Variants in TUBD1 observed in about 807,000 individuals in gnomAD.
The protein encoded by TUBD1 is tubulin delta 1.
A neutral mutation model predicts 51.2 loss-of-function variants in TUBD1; 38 were observed. The observed-to-expected ratio is 0.74, with a 90% CI of 0.57 to 0.97. The LOEUF is 0.97. TUBD1 is among the 50% of genes least tolerant of loss of function. The probability of loss-of-function intolerance (pLI) is 0.00; values close to 1 mark genes in which losing one functional copy is unlikely to be tolerated. For synonymous variants in TUBD1, 169 were observed against 178.2 expected (o/e 0.95, Z 0.41); for missense variants, 489 against 538.4 (o/e 0.91, Z 0.91).
intron 5 of TUBD1, among the ~76,000 whole-genome samples, chr17:59,877,080 A>C (rs1219247958): frequency 4.0e-5 from 6 of 151,318 alleles, no homozygotes; most frequent in Non-Finnish European, 7.4e-5. Context: ...GGCTGGTCTC[A>C]AACTTCTGAC....
chr17:59,874,594 A>C lies in TUBD1; in HGVS notation c.879T>G (p.Ala293=). Residue 293 remains alanine (A), a synonymous_variant, in exon 6 of 9, where the codon GCT becomes GCG. Transcript: ENST00000325752. ...TCTGTCTCAAATGCTTGAGGAGGCC[A>C]GCCCAAGTAAATGTGGTGTATGCCA... ...NSLAYTTFTW[A]GLLKHLRQML... 6.2e-7 allele frequency: 1 copy of C among 1,613,774 alleles called. No individual in the cohort carries two copies. The highest frequency in any genetic ancestry group is 8.5e-7 in the Non-Finnish European group (1 of 1,179,944).
In TUBD1 at chr17:59,860,273, T is replaced by C; in HGVS notation, c.*49A>G. 2 of 1,296,842 alleles carry C rather than the reference T, an allele frequency of 1.5e-6. No individual in the cohort carries two copies. Among genetic ancestry groups the C allele is most frequent in the South Asian group, 1.2e-5 (1 of 80,090 alleles). The allele number at this position is 1,296,842 out of a possible 1,614,324, so 80.3% of individuals were successfully genotyped here. A position where few individuals can be genotyped will look rare whatever the true frequency, so the allele number is the denominator to read the frequency against. On this transcript the variant is annotated 3_prime_UTR_variant, in exon 9 of 9. Transcript: ENST00000325752. Reference sequence around the variant, plus strand: ...TTTACAGAGAAAATAGTATTGAAAATATTTTAGTCCAGAAATGCCTTAAGG... The same window carrying C: ...TTTACAGAGAAAATAGTATTGAAAACATTTTAGTCCAGAAATGCCTTAAGG...
intron 6 of TUBD1, among the ~76,000 whole-genome samples, chr17:59,870,417 A>G (rs944192176): frequency 1.3e-4 from 20 of 149,658 alleles, no homozygotes; most frequent in Non-Finnish European, 2.5e-4. Context: ...ATCAAAGTGT[A>G]AAAATACAGG....
intron 6 of TUBD1, among the ~76,000 whole-genome samples, chr17:59,874,112 C>A (rs2040119451): frequency 1.3e-5 from 2 of 149,412 alleles, no homozygotes; most frequent in South Asian, 2.1e-4. Flanking sequence ...TGGTGTGAAC[C>A]CGGGAGGCGG....
intron 8 of TUBD1, among the ~76,000 whole-genome samples, chr17:59,861,958 A>ACG (rs2039470869): frequency 1.3e-5 from 2 of 150,626 alleles, no homozygotes; most frequent in African/African-American, 2.4e-5. Context: ...GAGCCACTGC[A>ACG]CCCAGCCTGA....
chr17:59,867,858 A>G lies in TUBD1; in HGVS notation c.935-1109T>C, dbSNP rs148059336. Among the ~76,000 whole-genome samples the G allele has an allele frequency of 5.8e-3, 889 of 152,100 alleles. 5 individuals are homozygous for G. Among genetic ancestry groups the G allele is most frequent in the African/African-American group, 0.02 (823 of 41,496 alleles). ...GTCAGCCTCCAAAATGACCCCAATC[A>G]TCTTTGCTTCCTGGTATTCAAGCCC... On this transcript the variant is annotated intron_variant, in intron 6 of 8. Coordinates refer to ENST00000325752, the MANE Select transcript of TUBD1 (RefSeq NM_016261.4).
rs1469616838 is a variant in TUBD1, at chr17:59,878,222, A to G, written c.650T>C (p.Met217Thr). ...ACTAAAGGAGATCTGCTTGATATTC[A>G]TCAGTTTTGCACAGATCTTATGGAT... is the stretch of plus-strand genomic sequence containing the variant. ...DAIHKICAKL[M>T]NIKQISFSDI... is the part of the protein sequence containing the mutation. Residue 217 changes from methionine to threonine, a missense_variant, in exon 5 of 9, where the codon ATG (methionine) becomes ACG (threonine). Physicochemically the swap from Met to Thr is moderately conservative, Grantham distance 81 (BLOSUM62 -1). Coordinates refer to ENST00000325752, the MANE Select transcript of TUBD1 (RefSeq NM_016261.4). 1.2e-6 allele frequency: 2 copies of G among 1,614,046 alleles called. No homozygotes were observed. The highest frequency in any genetic ancestry group is 2.2e-5 in the East Asian group (1 of 44,886).
intron 6 of TUBD1, 51 bp downstream of exon 6, chr17:59,874,488 A>G: frequency 6.3e-7 from 1 of 1,580,680 alleles, no homozygotes; most frequent in Non-Finnish European, 8.6e-7. Flanking sequence ...AGACTCCAGG[A>G]CAGACATTTT....
At chr17:59,868,742 C>T (rs2039836513) in intron 6 of TUBD1, among the ~76,000 whole-genome samples, 1 of 151,976 alleles carries the variant, frequency 6.6e-6, no homozygotes, top group Admixed American at 6.6e-5. Context: ...GAGGCTGAGG[C>T]AGGGGAATCG....
At chr17:59,881,198 G>A (rs2040474843) in intron 3 of TUBD1, 88 bp from the exon 4 acceptor site, 12 of 1,178,074 alleles carry the variant, frequency 1.0e-5, no homozygotes, top group Admixed American at 8.4e-5. Flanking sequence ...GGATAGAGAG[G>A]TTTTTTCAAA....
At chr17:59,872,755 T>C (rs1417364989) in intron 6 of TUBD1, among the ~76,000 whole-genome samples, 1 of 147,626 alleles carries the variant, frequency 6.8e-6, no homozygotes, top group East Asian at 2.0e-4. Context: ...GGGTGTAAGA[T>C]GATTCAATTC....
Position 59,886,063 on chromosome 17 carries a change from T to C in TUBD1, c.320+20A>G. ...TGTGTAGCTGTCACTAAACTGAAAA[T>C]CACAAGAAATTATTCTTACCCATAT... On this transcript the variant is annotated intron_variant, in intron 3 of 8. Coordinates refer to ENST00000325752, the MANE Select transcript of TUBD1 (RefSeq NM_016261.4). 1 of 1,613,174 alleles carries C rather than the reference T, an allele frequency of 6.2e-7. No individual in the cohort carries two copies. The highest frequency in any genetic ancestry group is 8.5e-7 in the Non-Finnish European group (1 of 1,179,634).
Position 59,862,712 on chromosome 17 carries a change from GTATTT to G in TUBD1, c.1259+947_1259+951del, listed in dbSNP as rs2039511806. On this transcript the variant is annotated intron_variant, in intron 8 of 8. Coordinates refer to ENST00000325752, the MANE Select transcript of TUBD1 (RefSeq NM_016261.4). ...CCACCACTATGCCAAGCTAATTTTT[GTATTT>G]TTTTTTTTTTTTTTTTTTTTTTTTT... 7.8e-5 allele frequency among the ~76,000 whole-genome samples: 4 copies of G among 50,972 alleles called. No homozygotes were observed. The East Asian group carries it at 2.0e-3, about 26-fold the overall frequency. 33.4% of individuals were successfully genotyped at this position (50,972 alleles called of 152,430 possible).
At chr17:59,883,471 T>C (rs2040580862) in intron 3 of TUBD1, among the ~76,000 whole-genome samples, 1 of 152,140 alleles carries the variant, frequency 6.6e-6, no homozygotes, top group Non-Finnish European at 1.5e-5. Flanking sequence ...TTTTACCATG[T>C]TGGCCAGGCT....
rs567524421 is a variant in TUBD1 at position 59,881,017 on chromosome 17, G to T, written c.414C>A (p.Ile138=). Reference sequence around the variant, plus strand: ...CTGTGCCCCCAGCCATACTCATTATGATGAAAAAACCACTGAAAGAGTCAC... The same window carrying T: ...CTGTGCCCCCAGCCATACTCATTATTATGAAAAAACCACTGAAAGAGTCAC... ...EKCDSFSGFF[I]IMSMAGGTGS... is the part of the protein sequence containing the mutation. The change falls in exon 4 of 9, where the codon ATC becomes ATA. Residue 138 remains isoleucine, a synonymous_variant. Transcript: ENST00000325752. 4.3e-6 allele frequency: 7 copies of T among 1,613,944 alleles called. No individual in the cohort carries two copies. The highest frequency in any genetic ancestry group is 1.3e-5 in the African/African-American group (1 of 74,908).
At chr17:59,874,279 G>A (rs1020855206) in intron 6 of TUBD1, among the ~76,000 whole-genome samples, 1 of 151,026 alleles carries the variant, frequency 6.6e-6, no homozygotes, top group Non-Finnish European at 1.5e-5. Context: ...TTGGCTACTT[G>A]ATTTTTAAAA....
In TUBD1 at chr17:59,891,062, C is replaced by CT. The variant is rs755710068; in HGVS notation, c.-39-22dup. On this transcript the variant is annotated intron_variant, in intron 1 of 8. Coordinates refer to ENST00000325752, the MANE Select transcript of TUBD1 (RefSeq NM_016261.4). ...ACAACCTGTAATCGAAAAAAATACG[C>CT]TTTGAGAACCACTACATTACTAATA... The CT allele has an allele frequency of 1.0e-5, 13 of 1,277,328 alleles. No individual in the cohort carries two copies. The African/African-American group carries it at 1.6e-4, about 16-fold the overall frequency. The allele number at this position is 1,277,328 out of a possible 1,614,324, so 79.1% of individuals were successfully genotyped here. A position where few individuals can be genotyped will look rare whatever the true frequency, so the allele number is the denominator to read the frequency against.
chr17:59,880,728 A>T (rs1232705253), intron 4 of TUBD1, among the ~76,000 whole-genome samples, 166 bp downstream of exon 4: 1 of 151,716 alleles, frequency 6.6e-6, no homozygotes, highest in Non-Finnish European at 1.5e-5. Context: ...GTTAGCCGGG[A>T]TGGTCTCGAT....
intron 6 of TUBD1, among the ~76,000 whole-genome samples, chr17:59,867,610 C>G (rs1431584849): frequency 4.6e-5 from 7 of 152,082 alleles, no homozygotes; most frequent in Admixed American, 6.6e-5. Context: ...ATTGCCTAAG[C>G]CCAGGAGGTC....
Sources: gnomAD v4.1 joint callset for allele counts (sites outside exome capture counted in the v4.1 genomes callset) on GRCh38, gnomAD v4.1.1 for gene constraint, MANE v1.5 for transcripts, NCBI Gene and HGNC (gene_info 2026-07-23, HGNC 2026-07-21) for gene names.